The following UNC5C variants were observed in gnomAD, a reference collection of about 807,000 sequenced individuals.
UNC5C encodes the protein unc-5 netrin receptor C.
In UNC5C, 47 loss-of-function variants were observed where a neutral mutation model predicts 99.8. The ratio of observed to expected loss-of-function variants is 0.47; its 90% CI spans 0.37 to 0.60. The LOEUF (loss-of-function observed/expected upper bound fraction) is 0.60, where lower values mean the gene tolerates loss of function less well. UNC5C is among the 20% of genes least tolerant of loss of function. UNC5C has a pLI of 0.00. For missense variants in UNC5C, 1,062 were observed against 1,165.9 expected (o/e 0.91, Z 1.30); for synonymous variants, 487 against 452.2 (o/e 1.08, Z -0.98).
chr4:95,404,873 G>T (rs959306205), intron 1 of UNC5C, among the ~76,000 whole-genome samples: 1 of 152,148 alleles, frequency 6.6e-6, no homozygotes, highest in Non-Finnish European at 1.5e-5. Flanking sequence ...GCAGAGAAAG[G>T]GAGAAAAGGA....
At chr4:95,398,398 T>C (rs80264080) in intron 1 of UNC5C, among the ~76,000 whole-genome samples, 8,903 of 152,198 alleles carry the variant, frequency 0.058, 452 homozygotes, top group East Asian at 0.19. Context: ...ACTAGTGAGA[T>C]AACAGATGCA....
chr4:95,540,592 A>G (rs1722894343), intron 1 of UNC5C, among the ~76,000 whole-genome samples: 1 of 152,198 alleles, frequency 6.6e-6, no homozygotes, highest in Non-Finnish European at 1.5e-5. Context: ...CACCATAATC[A>G]ATGTTTCATT....
At chr4:95,313,941 C>T (rs143006945) in intron 2 of UNC5C, among the ~76,000 whole-genome samples, 14 of 152,244 alleles carry the variant, frequency 9.2e-5, no homozygotes, top group African/African-American at 2.9e-4. Context: ...ACCTTGGTCT[C>T]CCATCTTGTG....
intron 1 of UNC5C, among the ~76,000 whole-genome samples, chr4:95,393,872 A>C (rs80262588): frequency 8.0e-5 from 12 of 150,596 alleles, no homozygotes; most frequent in African/African-American, 1.5e-4. Flanking sequence ...TTAAAAAAAA[A>C]CAGATTGCTA....
intron 4 of UNC5C, among the ~76,000 whole-genome samples, chr4:95,256,835 T>C (rs1046591875): frequency 6.6e-6 from 1 of 151,678 alleles, no homozygotes; most frequent in Admixed American, 6.6e-5. Context: ...TGGAGTCTGA[T>C]GTTTGAGGTC....
At chr4:95,413,861 T>C (rs1471360635) in intron 1 of UNC5C, among the ~76,000 whole-genome samples, 1 of 152,220 alleles carries the variant, frequency 6.6e-6, no homozygotes, top group African/African-American at 2.4e-5. Flanking sequence ...AGGTGTCAAA[T>C]TAGCTGCAGA....
chr4:95,377,205 C>T (rs1176247291), intron 1 of UNC5C, among the ~76,000 whole-genome samples: 4 of 152,324 alleles, frequency 2.6e-5, no homozygotes, highest in Non-Finnish European at 4.4e-5. Flanking sequence ...CAAAATCACA[C>T]TTTTCAATTT....
chr4:95,294,407 C>T (rs1040886275), intron 3 of UNC5C, among the ~76,000 whole-genome samples: 21 of 152,178 alleles, frequency 1.4e-4, no homozygotes, highest in African/African-American at 4.8e-4. Flanking sequence ...TAGGAACTAC[C>T]TTATTCCTCT....
chr4:95,291,183 A>G (rs1014630614), intron 3 of UNC5C, among the ~76,000 whole-genome samples: 47 of 152,028 alleles, frequency 3.1e-4, no homozygotes, highest in African/African-American at 1.1e-3. Flanking sequence ...CATACAAGCC[A>G]CTCTTTTATA....
intron 2 of UNC5C, among the ~76,000 whole-genome samples, chr4:95,305,228 A>G (rs1168427289): frequency 6.6e-6 from 1 of 152,210 alleles, no homozygotes; most frequent in African/African-American, 2.4e-5. Flanking sequence ...AGCATGAAGT[A>G]TCTAAATACT....
chr4:95,231,473 ATCTAC>A (rs1294881917), intron 7 of UNC5C, among the ~76,000 whole-genome samples: 9 of 152,184 alleles, frequency 5.9e-5, no homozygotes, highest in African/African-American at 2.2e-4. Flanking sequence ...AGTAATATTT[ATCTAC>A]TCTAAGTCCA....
chr4:95,224,516 A>T (rs1328394670), intron 7 of UNC5C, among the ~76,000 whole-genome samples: 1 of 152,224 alleles, frequency 6.6e-6, no homozygotes, highest in Non-Finnish European at 1.5e-5. Flanking sequence ...TTTCACAAAT[A>T]TTATGTAGAT....
chr4:95,489,560 C>T (rs1721423515), intron 1 of UNC5C, among the ~76,000 whole-genome samples: 1 of 151,632 alleles, frequency 6.6e-6, no homozygotes, highest in Non-Finnish European at 1.5e-5. Flanking sequence ...TTTGGATGGG[C>T]AAGAGTTGAA....
At chr4:95,544,214 C>T (rs373562474) in intron 1 of UNC5C, among the ~76,000 whole-genome samples, 20 of 152,224 alleles carry the variant, frequency 1.3e-4, no homozygotes, top group African/African-American at 4.8e-4. Flanking sequence ...GCTGGAGGTG[C>T]TGGAAGCAGT....
chr4:95,442,112 C>A (rs146312215), intron 1 of UNC5C, among the ~76,000 whole-genome samples: 1 of 152,072 alleles, frequency 6.6e-6, no homozygotes, highest in African/African-American at 2.4e-5. Context: ...ACAGTAGTAG[C>A]GCAGGGGTAG....
At chr4:95,205,436 T>C (rs368552945) in intron 11 of UNC5C, among the ~76,000 whole-genome samples, 4 of 152,130 alleles carry the variant, frequency 2.6e-5, no homozygotes, top group Non-Finnish European at 2.9e-5. Flanking sequence ...TCCCCTGATA[T>C]GGTCAAGAGT....
At chr4:95,174,710 G>T (rs1736263873) in intron 14 of UNC5C, among the ~76,000 whole-genome samples, 2 of 149,206 alleles carry the variant, frequency 1.3e-5, no homozygotes, top group African/African-American at 2.5e-5. Flanking sequence ...TGAAAAAAAT[G>T]TATATTCTGT....
intron 1 of UNC5C, among the ~76,000 whole-genome samples, chr4:95,446,072 T>C (rs936892718): frequency 6.6e-5 from 10 of 152,144 alleles, no homozygotes; most frequent in African/African-American, 2.4e-4. Flanking sequence ...AGGACACACT[T>C]TGTCTCAAGA....
At chr4:95,460,197 G>GTTTTTTTTT (rs5860408) in intron 1 of UNC5C, among the ~76,000 whole-genome samples, 2 of 137,410 alleles carry the variant, frequency 1.5e-5, no homozygotes, top group East Asian at 2.1e-4. Flanking sequence ...TCCATGTGGT[G>GTTTTTTTTT]TTTTTTTTTT....
Sources: allele counts gnomAD v4.1 joint callset (sites outside exome capture counted in the v4.1 genomes callset), GRCh38; gene constraint gnomAD v4.1.1; transcripts MANE v1.5; gene names NCBI Gene and HGNC (gene_info 2026-07-23, HGNC 2026-07-21).